SMYD1: variants seen among roughly 807,000 people sequenced by gnomAD.
SMYD1 encodes the protein histone-lysine N-methyltransferase SMYD1.
In SMYD1, 49 loss-of-function variants were observed where a neutral mutation model predicts 54.0. The ratio of observed to expected loss-of-function variants is 0.91; its 90% CI spans 0.72 to 1.15. The LOEUF is 1.15. Among genes scored for constraint, SMYD1 ranks in the 50% most tolerant of loss-of-function variants. SMYD1 has a pLI of 0.00. For synonymous variants in SMYD1, 269 were observed against 234.2 expected, an observed-to-expected ratio of 1.15 and a Z score of -1.36; for missense variants, 653 against 639.6, an observed-to-expected ratio of 1.02 and a Z score of -0.23.
At chr2:88,089,872 G>A (rs759362007) in intron 3 of SMYD1, among the ~76,000 whole-genome samples, 1 of 152,008 alleles carries the variant, frequency 6.6e-6, no homozygotes, top group East Asian at 1.9e-4. Flanking sequence ...GATTACAGGC[G>A]TAAGCCACCA....
chr2:88,074,948 C>T (rs1674026790), intron 1 of SMYD1, among the ~76,000 whole-genome samples: 1 of 152,148 alleles, frequency 6.6e-6, no homozygotes, highest in Non-Finnish European at 1.5e-5. Flanking sequence ...CACACAAACA[C>T]ACATGTGGCC....
intron 2 of SMYD1, among the ~76,000 whole-genome samples, chr2:88,087,007 C>T (rs1674344339): frequency 8.3e-6 from 1 of 120,034 alleles, no homozygotes; most frequent in South Asian, 3.0e-4. Flanking sequence ...ACCACAGTCC[C>T]CAAAATGCTT....
At chr2:88,084,009 G>A (rs1159391208) in intron 1 of SMYD1, among the ~76,000 whole-genome samples, 6 of 152,134 alleles carry the variant, frequency 3.9e-5, no homozygotes, top group African/African-American at 1.2e-4. Flanking sequence ...CAGAAGAATC[G>A]CTTGAACCTG....
In SMYD1 at chr2:88,089,195, A is replaced by T. The variant is rs1573110966; in HGVS notation, c.528+1120A>T. On this transcript the variant is annotated intron_variant, in intron 3 of 9. Transcript: ENST00000419482. ...CAGAACTCCTTGCTCAGGGGAGATC[A>T]GTCTTTATTCTATTCAGGTCTTCAA... Among the ~76,000 whole-genome samples the T allele has an allele frequency of 2.6e-5, 4 of 152,192 alleles. 1 individual carries two copies. Among genetic ancestry groups the T allele is most frequent in the Admixed American group, 2.6e-4 (4 of 15,282 alleles).
intron 1 of SMYD1, among the ~76,000 whole-genome samples, chr2:88,077,104 G>A (rs1378432823): frequency 2.6e-5 from 4 of 152,226 alleles, no homozygotes; most frequent in Non-Finnish European, 4.4e-5. Context: ...AAGACAGAAC[G>A]GTTGAACTGT....
chr2:88,107,787 T>C (rs1272607643), intron 8 of SMYD1, among the ~76,000 whole-genome samples: 2 of 152,182 alleles, frequency 1.3e-5, no homozygotes, highest in Non-Finnish European at 2.9e-5. Context: ...CTAAGACCAT[T>C]GGAAAAGCGC....
At chr2:88,075,499 C>T (rs1415339957) in intron 1 of SMYD1, among the ~76,000 whole-genome samples, 1 of 151,354 alleles carries the variant, frequency 6.6e-6, no homozygotes, top group Non-Finnish European at 1.5e-5. Flanking sequence ...TTGACAATCT[C>T]CAGGCTTGAT....
chr2:88,107,836 T>C (rs1573123898), intron 8 of SMYD1, among the ~76,000 whole-genome samples: 1 of 152,158 alleles, frequency 6.6e-6, no homozygotes, highest in Non-Finnish European at 1.5e-5. Context: ...CCAGGTGCTG[T>C]CTGTCACCCC....
chr2:88,106,557 G>A (rs1292869720), intron 8 of SMYD1, 69 bp downstream of exon 8: 3 of 1,540,606 alleles, frequency 1.9e-6, no homozygotes, highest in Admixed American at 1.8e-5. Context: ...GCAAATAGAT[G>A]GCACATTTAC....
rs72845818 is a variant in SMYD1 at position 88,110,465 on chromosome 2, G to C, written c.1426G>C (p.Glu476Gln). 1.2e-6 allele frequency: 2 copies of C among 1,602,046 alleles called. No homozygotes were observed. The highest frequency in any genetic ancestry group is 8.5e-7 in the Non-Finnish European group (1 of 1,174,060). ...LNNQPMQVMA[E>Q]PSNEPSPALF... ...CAACCAGCCCATGCAGGTCATGGCC[G>C]AGCCCAGCAATGAGCCATCCCCAGC... is the stretch of plus-strand genomic sequence containing the variant. The change falls in exon 10 of 10, where the codon GAG becomes CAG. Residue 476 changes from glutamate (E) to glutamine (Q), a missense_variant. Glu to Gln is a conservative substitution (Grantham distance 29, BLOSUM62 2). Transcript: ENST00000419482.
At chr2:88,090,323 A>G (rs1674434960) in intron 3 of SMYD1, among the ~76,000 whole-genome samples, 2 of 152,336 alleles carry the variant, frequency 1.3e-5, no homozygotes, top group Non-Finnish European at 2.9e-5. Context: ...AATGTATTCT[A>G]CGTTATATTT....
chr2:88,084,957 C>T (rs1156798922), intron 2 of SMYD1, among the ~76,000 whole-genome samples: 1 of 151,900 alleles, frequency 6.6e-6, no homozygotes, highest in African/African-American at 2.4e-5. Flanking sequence ...ATCATGTTGC[C>T]CAGGGTAGCC....
At chr2:88,079,140 T>C (rs921974270) in intron 1 of SMYD1, among the ~76,000 whole-genome samples, 2 of 152,220 alleles carry the variant, frequency 1.3e-5, no homozygotes, top group Admixed American at 1.3e-4. Context: ...CAAGGCTTGA[T>C]AAAATGATTA....
At chr2:88,088,743 A>T in intron 3 of SMYD1, among the ~76,000 whole-genome samples, 1 of 152,174 alleles carries the variant, frequency 6.6e-6, no homozygotes, top group African/African-American at 2.4e-5. Flanking sequence ...ACCTTTTTCC[A>T]GGTCTGCCAG....
At chr2:88,070,957 A>AAAG in intron 1 of SMYD1, among the ~76,000 whole-genome samples, 1 of 151,662 alleles carries the variant, frequency 6.6e-6, no homozygotes, top group African/African-American at 2.4e-5. Context: ...AAAAAAAAAA[A>AAAG]AAAAAAAAAA....
rs532381251 is a variant in SMYD1 at position 88,072,803 on chromosome 2, T to A, written c.137+4802T>A. ...CTGTTTTATTTACTTCATAATATGT[T>A]GTGAACAACTTTCAAACCATTAATA... On this transcript the variant is annotated intron_variant, in intron 1 of 9. Coordinates refer to ENST00000419482, the MANE Select transcript of SMYD1 (RefSeq NM_198274.4). 1.1e-4 allele frequency among the ~76,000 whole-genome samples: 16 copies of A among 152,380 alleles called. No individual in the cohort carries two copies. The South Asian group carries it at 3.3e-3, about 32-fold the overall frequency.
intron 1 of SMYD1, among the ~76,000 whole-genome samples, chr2:88,075,407 G>C (rs1441500721): frequency 6.6e-6 from 1 of 152,100 alleles, no homozygotes; most frequent in African/African-American, 2.4e-5. Context: ...AATGTATACA[G>C]GTCTTAGTAG....
chr2:88,088,260 A>G (rs1485059720), intron 3 of SMYD1, among the ~76,000 whole-genome samples, 185 bp downstream of exon 3: 2 of 152,120 alleles, frequency 1.3e-5, no homozygotes, highest in East Asian at 3.9e-4. Context: ...CGCTGGAGAA[A>G]CCGCCTTCTA....
intron 6 of SMYD1, among the ~76,000 whole-genome samples, chr2:88,101,346 A>G (rs1674714608): frequency 1.3e-5 from 2 of 152,260 alleles, no homozygotes. Flanking sequence ...CTAGCTTCAT[A>G]TAGCGGAAAA....
Sources: gnomAD v4.1 joint callset for allele counts (sites outside exome capture counted in the v4.1 genomes callset) on GRCh38, gnomAD v4.1.1 for gene constraint, MANE v1.5 for transcripts, NCBI Gene and HGNC (gene_info 2026-07-23, HGNC 2026-07-21) for gene names.